PROM2: variants seen among roughly 807,000 people sequenced by gnomAD.
The protein encoded by PROM2 is prominin-2.
In PROM2, 90 loss-of-function variants were observed where a neutral mutation model predicts 110.2. That is an observed-to-expected ratio of 0.82 (90% CI 0.69 to 0.97). The LOEUF (loss-of-function observed/expected upper bound fraction) is 0.97, where lower values mean the gene tolerates loss of function less well. PROM2 is among the 50% of genes least tolerant of loss of function. PROM2 has a pLI of 0.00. For missense variants in PROM2, 1,009 were observed against 1,074.8 expected, an observed-to-expected ratio of 0.94 and a Z score of 0.86; for synonymous variants, 470 against 467.8, an observed-to-expected ratio of 1.00 and a Z score of -0.06.
rs1331851939 is a variant in PROM2, at chr2:95,290,061, G to A, written c.*848G>A. The A allele has an allele frequency of 6.6e-6, 1 of 152,304 alleles. No individual in the cohort carries two copies. Among genetic ancestry groups the A allele is most frequent in the Non-Finnish European group, 1.5e-5 (1 of 68,116 alleles). The allele number at this position is 152,304 out of a possible 1,614,324, so 9.4% of individuals were successfully genotyped here. On this transcript the variant is annotated 3_prime_UTR_variant, in exon 24 of 24. Transcript: ENST00000317620. ...TCCCAAGGAAGGGACCTGGGACCTG[G>A]GCCACAGTGGGGGCTTGCCCTTACC...
intron 22 of PROM2, 85 bp from the exon 23 acceptor site, chr2:95,288,848 C>G (rs1278488690): frequency 1.1e-5 from 15 of 1,380,438 alleles, no homozygotes; most frequent in Non-Finnish European, 1.4e-5. Context: ...CGAGGAGAAA[C>G]CCTCAGGGCT....
intron 8 of PROM2, 75 bp downstream of exon 8, chr2:95,278,079 G>A: frequency 8.1e-7 from 1 of 1,241,934 alleles, no homozygotes; most frequent in African/African-American, 1.5e-5. Context: ...TTTTGGGCAG[G>A]AACCCAGTTG....
In PROM2 at chr2:95,281,339, A is replaced by G; in HGVS notation, c.1525A>G (p.Ser509Gly). ...GGNVQTLVCQSWENGELFEFA... is the reference protein window; with the variant it reads ...GGNVQTLVCQGWENGELFEFA... ...CAACGTGCAGACGCTGGTGTGCCAG[A>G]GCTGGGAGAACGGCGAGCTCTTTGA... The change falls in exon 12 of 24, where the codon AGC becomes GGC. Residue 509 changes from serine (S) to glycine (G), a missense_variant. By Grantham distance (56) the Ser-to-Gly change is moderately conservative. Transcript: ENST00000317620. 1 of 1,608,432 alleles carries G rather than the reference A, an allele frequency of 6.2e-7. No homozygotes were observed. The highest frequency in any genetic ancestry group is 8.5e-7 in the Non-Finnish European group (1 of 1,177,536).
At chr2:95,278,416 A>G (rs1676806945) in intron 8 of PROM2, 2 of 552,656 alleles carry the variant, frequency 3.6e-6, no homozygotes, top group Admixed American at 3.1e-5. Flanking sequence ...AGCTGAGGCT[A>G]GAAGGGTGGA....
Position 95,276,172 on chromosome 2 carries a change from C to A in PROM2, c.497+40C>A. On this transcript the variant is annotated intron_variant, in intron 3 of 23. Coordinates refer to ENST00000317620, the MANE Select transcript of PROM2 (RefSeq NM_001165978.3). This position sits in a 1 kb window ranked among gnomAD's most constrained non-coding sequence, Gnocchi z 4.6. Reference sequence around the variant, plus strand: ...AGGGCCCGGGTAGGGCGGGCTGTGGCCCCCAGGCTCCCTCTTACCCAGCAA... The same window carrying A: ...AGGGCCCGGGTAGGGCGGGCTGTGGACCCCAGGCTCCCTCTTACCCAGCAA... 2 of 1,611,806 alleles carry A rather than the reference C, an allele frequency of 1.2e-6. No individual in the cohort carries two copies. The highest frequency in any genetic ancestry group is 1.7e-4 in the Middle Eastern group (1 of 6,052).
Position 95,287,167 on chromosome 2 carries a change from A to C in PROM2, c.2129A>C (p.Tyr710Ser), listed in dbSNP as rs1300892575. 7 of 1,613,840 alleles carry C rather than the reference A, an allele frequency of 4.3e-6. No individual in the cohort carries two copies. Among genetic ancestry groups the C allele is most frequent in the Non-Finnish European group, 5.1e-6 (6 of 1,179,998 alleles). Residue 710 changes from tyrosine (Y) to serine (S), a missense_variant, in exon 19 of 24, where the codon TAC becomes TCC. Physicochemically the swap from Tyr to Ser is moderately radical, Grantham distance 144 (BLOSUM62 -2). Transcript: ENST00000317620. ...ETSDVLANVT[Y>S]LKGELPAWAA... is the part of the protein sequence containing the mutation. ...TCAGATGTCCTAGCCAATGTCACCTACCTGAAAGGAGAGCTGCCTGCCTGG... is the reference window on the plus strand; with the variant it reads ...TCAGATGTCCTAGCCAATGTCACCTCCCTGAAAGGAGAGCTGCCTGCCTGG...
At chr2:95,277,854 C>G in intron 7 of PROM2, 76 bp from the exon 8 acceptor site, 1 of 1,251,750 alleles carries the variant, frequency 8.0e-7, no homozygotes, top group Non-Finnish European at 1.2e-6. Context: ...AGGCCCCTGC[C>G]CCCCTCATCC....
Position 95,276,455 on chromosome 2 carries a change from G to T in PROM2, c.618+108G>T, listed in dbSNP as rs114081176. The T allele has an allele frequency of 0.022, 35,156 of 1,591,330 alleles. 445 individuals carry two copies. Among genetic ancestry groups the T allele is most frequent in the Non-Finnish European group, 0.026 (30,835 of 1,164,996 alleles). ...CCCATAACCAGCGCATCTGAAAGCC[G>T]CCTCCTCTCCCGCCCTTGCCTGAGA... is the stretch of plus-strand genomic sequence containing the variant. On this transcript the variant is annotated intron_variant, in intron 4 of 23. Transcript: ENST00000317620. The surrounding 1 kb of genome is among the most constrained non-coding windows in gnomAD (Gnocchi z 4.6).
At position 95,277,066 on chromosome 2, in the gene PROM2, G is replaced by A. The variant is rs1247559073; in HGVS notation, c.772+5G>A. The A allele has an allele frequency of 7.7e-6, 12 of 1,550,024 alleles. No homozygotes were observed. Among genetic ancestry groups the A allele is most frequent in the African/African-American group, 1.4e-5 (1 of 73,168 alleles). On this transcript the variant is annotated splice_donor_5th_base_variant and intron_variant, in intron 6 of 23. Coordinates refer to ENST00000317620, the MANE Select transcript of PROM2 (RefSeq NM_001165978.3). ...CCGTGGGCAGTTTGGGCCAGGGTGA[G>A]CTGGAGCCGCATCCTGGATAGTGTG...
rs1464846019 is a variant in PROM2, at chr2:95,276,143, G to C, written c.497+11G>C. 6.2e-7 allele frequency: 1 copy of C among 1,611,892 alleles called. No homozygotes were observed. Among genetic ancestry groups the C allele is most frequent in the Non-Finnish European group, 8.5e-7 (1 of 1,179,150 alleles). On this transcript the variant is annotated intron_variant, in intron 3 of 23. Coordinates refer to ENST00000317620, the MANE Select transcript of PROM2 (RefSeq NM_001165978.3). This position sits in a 1 kb window ranked among gnomAD's most constrained non-coding sequence, Gnocchi z 4.6. ...CACCCTCTTGCTGCTGTAAGGCGCT[G>C]CCCAGGGCCCGGGTAGGGCGGGCTG...
chr2:95,287,381 C>G lies in PROM2; in HGVS notation c.2176-15C>G. ...CTGGGACCCCTACAGCTCAGACCTC[C>G]TTTCCTTCCTGCAGGTGAGTGAGTG... On this transcript the variant is annotated splice_polypyrimidine_tract_variant and intron_variant, in intron 19 of 23. Coordinates refer to ENST00000317620, the MANE Select transcript of PROM2 (RefSeq NM_001165978.3). 1 of 1,614,048 alleles carries G rather than the reference C, an allele frequency of 6.2e-7. No individual in the cohort carries two copies. Among genetic ancestry groups the G allele is most frequent in the Non-Finnish European group, 8.5e-7 (1 of 1,179,964 alleles).
In PROM2 at chr2:95,279,986, C is replaced by A; in HGVS notation, c.1416C>A (p.Arg472=). The change falls in exon 11 of 24, where the codon CGC becomes CGA. Residue 472 remains arginine (R), a synonymous_variant. Coordinates refer to ENST00000317620, the MANE Select transcript of PROM2 (RefSeq NM_001165978.3). The stretch of plus-strand genomic sequence containing the variant: ...AAGCCAAGGGCGAGGCTGGAGCCCG[C>A]TTCCTCATGGCGTAAGAAAGGGCTG... The part of the protein sequence containing the change: ...HPEAKGEAGA[R]FLMAGVGLSF... 6.8e-7 allele frequency: 1 copy of A among 1,461,534 alleles called. No homozygotes were observed. The highest frequency in any genetic ancestry group is 9.1e-7 in the Non-Finnish European group (1 of 1,102,408). The allele number at this position is 1,461,534 out of a possible 1,614,324, so 90.5% of individuals were successfully genotyped here.
chr2:95,279,457 C>T (rs1209122610), intron 10 of PROM2, among the ~76,000 whole-genome samples: 4 of 152,096 alleles, frequency 2.6e-5, no homozygotes, highest in African/African-American at 9.7e-5. Context: ...CCACCACGCC[C>T]AGCTAATTTT....
chr2:95,289,151 A>G (rs1166954341), intron 23 of PROM2, 73 bp from the exon 24 acceptor site: 1 of 668,572 alleles, frequency 1.5e-6, no homozygotes, highest in Non-Finnish European at 2.7e-6. Context: ...GGTGTGGCCC[A>G]TCCAGCAGTG....
intron 8 of PROM2, chr2:95,278,220 G>A (rs1297412380): frequency 1.0e-5 from 6 of 594,910 alleles, no homozygotes; most frequent in South Asian, 2.0e-5. Context: ...GGCGTCTGGG[G>A]GTGGCAAGGG....
Position 95,281,237 on chromosome 2 carries a change from C to T in PROM2, c.1428-5C>T, listed in dbSNP as rs1227293726. 6.2e-7 allele frequency: 1 copy of T among 1,612,018 alleles called. No individual in the cohort carries two copies. The highest frequency in any genetic ancestry group is 8.5e-7 in the Non-Finnish European group (1 of 1,179,860). ...TCCCTCAGTCCTGCCTCTCGCCTAC[C>T]CCAGAGGTGTGGGCCTCAGCTTCCT... On this transcript the variant is annotated splice_polypyrimidine_tract_variant and splice_region_variant and intron_variant, in intron 11 of 23. Transcript: ENST00000317620.
chr2:95,286,726 C>T (rs1677385356), intron 17 of PROM2, 78 bp from the exon 18 acceptor site: 7 of 967,750 alleles, frequency 7.2e-6, no homozygotes, highest in Non-Finnish European at 1.1e-5. Context: ...CTCCCCTCCA[C>T]TCCCCTCCAC....
In PROM2 at chr2:95,277,955, A is replaced by T; in HGVS notation, c.1001A>T (p.His334Leu). The T allele has an allele frequency of 6.2e-7, 1 of 1,612,494 alleles. No individual in the cohort carries two copies. Among genetic ancestry groups the T allele is most frequent in the Non-Finnish European group, 8.5e-7 (1 of 1,179,558 alleles). Reference protein sequence around the residue: ...SQVPSVDHVLHQLKGVPEANF... With the variant: ...SQVPSVDHVLLQLKGVPEANF... Reference sequence around the variant, plus strand: ...GTGCCCTCTGTGGACCATGTCCTGCACCAGCTAAAAGGTGTCCCCGAGGCC... The same window carrying T: ...GTGCCCTCTGTGGACCATGTCCTGCTCCAGCTAAAAGGTGTCCCCGAGGCC... The change falls in exon 8 of 24, where the codon CAC becomes CTC. Residue 334 changes from histidine (H) to leucine (L), a missense_variant. By Grantham distance (99) the His-to-Leu change is moderately conservative. Coordinates refer to ENST00000317620, the MANE Select transcript of PROM2 (RefSeq NM_001165978.3).
At chr2:95,285,738 G>T (rs1422953771) in intron 16 of PROM2, 28 bp downstream of exon 16, 14 of 1,572,002 alleles carry the variant, frequency 8.9e-6, no homozygotes, top group Non-Finnish European at 1.2e-5. Context: ...CCCCGACTGG[G>T]CAGCAGGAGC....
Sources: allele counts gnomAD v4.1 joint callset (sites outside exome capture counted in the v4.1 genomes callset), GRCh38; gene constraint gnomAD v4.1.1; non-coding constraint Gnocchi (gnomAD v3.1); transcripts MANE v1.5; gene names NCBI Gene and HGNC (gene_info 2026-07-23, HGNC 2026-07-21).